Variants in IMMP2L observed in about 807,000 individuals in gnomAD.
The protein encoded by IMMP2L is mitochondrial inner membrane protease subunit 2.
IMMP2L carries 18 observed loss-of-function variants against 19.3 expected under a neutral mutation model. The ratio of observed to expected loss-of-function variants is 0.93; its 90% confidence interval spans 0.64 to 1.38. The LOEUF is 1.38. IMMP2L is among the 40% of genes most tolerant of loss of function. IMMP2L has a pLI of 0.00. For missense variants in IMMP2L, 233 were observed against 218.2 expected, an observed-to-expected ratio of 1.07 and a Z score of -0.43; for synonymous variants, 76 against 73.0, an observed-to-expected ratio of 1.04 and a Z score of -0.21.
intron 5 of IMMP2L, among the ~76,000 whole-genome samples, chr7:110,802,331 ATGTGTG>A (rs10545848): frequency 0.093 from 13,675 of 146,940 alleles, 890 homozygotes; most frequent in African/African-American, 0.18. Context: ...GTATGTGTGT[ATGTGTG>A]TGTGTGTGTG....
intron 5 of IMMP2L, among the ~76,000 whole-genome samples, chr7:110,827,135 T>C (rs1347693862): frequency 6.6e-6 from 1 of 152,100 alleles, no homozygotes; most frequent in Non-Finnish European, 1.5e-5. Context: ...CCCCTTGAGA[T>C]TGTTTTGGAA....
chr7:111,159,588 T>A (rs964697152), intron 3 of IMMP2L, among the ~76,000 whole-genome samples: 1 of 152,178 alleles, frequency 6.6e-6, no homozygotes, highest in African/African-American at 2.4e-5. Flanking sequence ...AAATTAATTT[T>A]GAAATAAGCT....
intron 5 of IMMP2L, among the ~76,000 whole-genome samples, chr7:110,783,003 A>C (rs1584812660): frequency 6.6e-6 from 1 of 151,918 alleles, no homozygotes; most frequent in East Asian, 1.9e-4. Context: ...GGAATAAGTA[A>C]GGGATTATTA....
rs762843840 is a variant in IMMP2L at position 111,194,160 on chromosome 7, T to C, written c.240-230595A>G. On this transcript the variant is annotated intron_variant, in intron 3 of 5. Transcript: ENST00000405709. Reference sequence around the variant, plus strand: ...TCTGGGAACACACATCTGTCTCCTGTAGGACTGTGAGCCCCTGAAGAGCAA... The same window carrying C: ...TCTGGGAACACACATCTGTCTCCTGCAGGACTGTGAGCCCCTGAAGAGCAA... Among the ~76,000 whole-genome samples the C allele has an allele frequency of 2.6e-5, 4 of 152,286 alleles. No homozygotes were observed. In the East Asian group the frequency reaches 7.7e-4, roughly 29 times the overall value.
chr7:111,539,196 G>GAAGGAAGGAAGGAAGGAAGGAGAA (rs1848235484), intron 1 of IMMP2L, among the ~76,000 whole-genome samples: 1 of 30,062 alleles, frequency 3.3e-5, no homozygotes, highest in African/African-American at 1.7e-4. Flanking sequence ...AGGAAGGAGG[G>GAAGGAAGGAAGGAAGGAAGGAGAA]AGAAAGAAAG....
intron 3 of IMMP2L, among the ~76,000 whole-genome samples, chr7:111,054,203 T>A (rs540544644): frequency 4.3e-4 from 66 of 152,356 alleles, no homozygotes; most frequent in Admixed American, 1.3e-3. Flanking sequence ...CATACATTGA[T>A]ATCTCAATTT....
intron 4 of IMMP2L, among the ~76,000 whole-genome samples, chr7:110,931,452 A>T (rs1434038106): frequency 6.6e-6 from 1 of 151,990 alleles, no homozygotes; most frequent in Non-Finnish European, 1.5e-5. Flanking sequence ...TTTTTTCACC[A>T]TGTATTTTTC....
Position 110,667,012 on chromosome 7 carries a change from C to T in IMMP2L, c.409-3291G>A, listed in dbSNP as rs571189350. On this transcript the variant is annotated intron_variant, in intron 5 of 5. Transcript: ENST00000405709. ...TCAGCCTCCTGAGTAGCTGGGACTA[C>T]GGGCACCAGCCACCACGCCCAGCTA... Among the ~76,000 whole-genome samples, 15 of 152,244 alleles carry T rather than the reference C, an allele frequency of 9.9e-5. 1 individual carries two copies. Among genetic ancestry groups the T allele is most frequent in the South Asian group, 8.3e-4 (4 of 4,820 alleles).
chr7:110,827,208 G>A (rs1803579206), intron 5 of IMMP2L, among the ~76,000 whole-genome samples: 1 of 152,086 alleles, frequency 6.6e-6, no homozygotes, highest in Admixed American at 6.6e-5. Flanking sequence ...CCATTTCAAA[G>A]CTGAGGAAAT....
In IMMP2L at chr7:110,936,197, A is replaced by C. The variant is rs534080046; in HGVS notation, c.305+27303T>G. 4.6e-5 allele frequency among the ~76,000 whole-genome samples: 7 copies of C among 152,322 alleles called. No homozygotes were observed. In the South Asian group the frequency reaches 1.2e-3, roughly 27 times the overall value. ...TGGCAACAGAAGCCAAAATTGACAA[A>C]TGGGATCTAATTAAACTAAAGAGCT... On this transcript the variant is annotated intron_variant, in intron 4 of 5. Coordinates refer to ENST00000405709, the MANE Select transcript of IMMP2L (RefSeq NM_032549.4).
At chr7:111,047,409 A>T (rs1279556475) in intron 3 of IMMP2L, among the ~76,000 whole-genome samples, 3 of 152,056 alleles carry the variant, frequency 2.0e-5, no homozygotes, top group Non-Finnish European at 4.4e-5. Context: ...GCTGGTCTCG[A>T]ACTCCTGACC....
intron 3 of IMMP2L, chr7:111,394,783 T>A: frequency 5.3e-6 from 1 of 189,464 alleles, no homozygotes; most frequent in South Asian, 1.1e-4. Flanking sequence ...AAAAGATAAC[T>A]CTAATCGATC....
chr7:111,545,093 C>A (rs931249927), intron 1 of IMMP2L, among the ~76,000 whole-genome samples: 1 of 151,982 alleles, frequency 6.6e-6, no homozygotes, highest in African/African-American at 2.4e-5. Context: ...AAAAGGACAA[C>A]ATATTTTACA....
rs1846036084 is a variant in IMMP2L, at chr7:111,518,235, T to C, written c.135+3078A>G. ...AATCTTAAAAACATGCTTCCCCTAA[T>C]CACAAACCAACAGAATTTTTGAAAG... On this transcript the variant is annotated intron_variant, in intron 2 of 5. Transcript: ENST00000405709. 3.3e-5 allele frequency among the ~76,000 whole-genome samples: 5 copies of C among 152,160 alleles called. No individual in the cohort carries two copies. The South Asian group carries it at 1.0e-3, about 32-fold the overall frequency.
intron 3 of IMMP2L, among the ~76,000 whole-genome samples, chr7:110,968,226 A>G (rs1819764239): frequency 6.6e-6 from 1 of 152,060 alleles, no homozygotes. Flanking sequence ...CAGACCATCA[A>G]ATCTGGCTTA....
chr7:111,321,878 C>A (rs1002232438), intron 3 of IMMP2L, among the ~76,000 whole-genome samples: 1 of 151,918 alleles, frequency 6.6e-6, no homozygotes, highest in Non-Finnish European at 1.5e-5. Flanking sequence ...AAACTTCCAA[C>A]ACTTTACTTA....
chr7:111,380,433 T>C (rs1040544243), intron 3 of IMMP2L, among the ~76,000 whole-genome samples: 2 of 151,952 alleles, frequency 1.3e-5, no homozygotes, highest in Non-Finnish European at 2.9e-5. Context: ...GAAGCAAAAC[T>C]ATTCACCTAA....
At chr7:111,101,033 T>A (rs1261918881) in intron 3 of IMMP2L, among the ~76,000 whole-genome samples, 1 of 151,484 alleles carries the variant, frequency 6.6e-6, no homozygotes, top group Admixed American at 6.6e-5. Flanking sequence ...GAATGGTAAC[T>A]CCTCCTCCTT....
At chr7:111,071,943 A>G (rs1794989306) in intron 3 of IMMP2L, among the ~76,000 whole-genome samples, 1 of 152,200 alleles carries the variant, frequency 6.6e-6, no homozygotes, top group Non-Finnish European at 1.5e-5. Flanking sequence ...TAAAGTTCCC[A>G]AGACTGCTGA....
Sources: gnomAD v4.1 joint callset for allele counts (sites outside exome capture counted in the v4.1 genomes callset) on GRCh38, gnomAD v4.1.1 for gene constraint, MANE v1.5 for transcripts, NCBI Gene and HGNC (gene_info 2026-07-23, HGNC 2026-07-21) for gene names.